Variants in SLC39A14 observed in about 807,000 individuals in gnomAD.
SLC39A14 encodes solute carrier family 39 member 14, also known as metal cation symporter ZIP14.
SLC39A14 carries 19 observed loss-of-function variants against 45.5 expected under a neutral mutation model. The ratio of observed to expected loss-of-function variants is 0.42; its 90% CI spans 0.29 to 0.61. The LOEUF is 0.61. SLC39A14 is among the 20% of genes least tolerant of loss of function. The probability of loss-of-function intolerance (pLI) is 0.22; values close to 1 mark genes in which losing one functional copy is unlikely to be tolerated. For synonymous variants in SLC39A14, 264 were observed against 251.3 expected, an observed-to-expected ratio of 1.05 and a Z score of -0.48; for missense variants, 447 against 616.5, an observed-to-expected ratio of 0.73 and a Z score of 2.91.
chr8:22,400,881 G>A (rs905464312), intron 1 of SLC39A14, among the ~76,000 whole-genome samples: 1 of 152,154 alleles, frequency 6.6e-6, no homozygotes, highest in Non-Finnish European at 1.5e-5. Context: ...AGTCAGAGTT[G>A]GGAACCCTGC....
intron 1 of SLC39A14, among the ~76,000 whole-genome samples, chr8:22,376,335 T>C (rs1039471034): frequency 7.8e-5 from 5 of 63,904 alleles, no homozygotes; most frequent in Admixed American, 1.8e-4. Flanking sequence ...CCACACCTAA[T>C]TTTTTTTTTT....
intron 1 of SLC39A14, among the ~76,000 whole-genome samples, chr8:22,371,813 C>T (rs1188038519): frequency 6.7e-6 from 1 of 150,164 alleles, no homozygotes; most frequent in Non-Finnish European, 1.5e-5. Context: ...GGCACGATCT[C>T]GGCTCACTGC....
At chr8:22,380,077 G>C (rs1833425727) in intron 1 of SLC39A14, among the ~76,000 whole-genome samples, 3 of 152,094 alleles carry the variant, frequency 2.0e-5, no homozygotes, top group Admixed American at 2.0e-4. Context: ...ATGGTTTAAA[G>C]TCTATAGGGA....
rs376445087 is a variant in SLC39A14 at position 22,368,162 on chromosome 8, A to G, written c.-16+754A>G. ...CTAAACAGTTAAAGGGCTCGGCTGT[A>G]CAGGAGGACTCCGGACACAATTGGG... On this transcript the variant is annotated intron_variant, in intron 1 of 8. Transcript: ENST00000381237. Among the ~76,000 whole-genome samples the G allele has an allele frequency of 1.2e-3, 189 of 152,300 alleles. 1 individual carries two copies. The Middle Eastern group carries it at 0.02, about 16-fold the overall frequency.
chr8:22,382,740 A>G (rs1315436423), intron 1 of SLC39A14, among the ~76,000 whole-genome samples: 1 of 152,030 alleles, frequency 6.6e-6, no homozygotes. Flanking sequence ...TTTGAGACAG[A>G]GTCTTACTCT....
chr8:22,416,905 G>C (rs576647284), intron 7 of SLC39A14, among the ~76,000 whole-genome samples: 2 of 152,290 alleles, frequency 1.3e-5, no homozygotes, highest in South Asian at 4.2e-4. Flanking sequence ...AAAACAAAGG[G>C]TGAGAGGGAC....
chr8:22,431,335 CTTTTG>C (rs985199628), intron 8 of SLC39A14, among the ~76,000 whole-genome samples: 1 of 152,188 alleles, frequency 6.6e-6, no homozygotes, highest in African/African-American at 2.4e-5. Flanking sequence ...TATAATATAC[CTTTTG>C]TTTTGTGTAG....
At chr8:22,376,818 C>A (rs1017444904) in intron 1 of SLC39A14, among the ~76,000 whole-genome samples, 9 of 151,878 alleles carry the variant, frequency 5.9e-5, no homozygotes, top group Non-Finnish European at 1.3e-4. Flanking sequence ...GTGGAGGCTG[C>A]AGTGAGCTGA....
downstream of SLC39A14, among the ~76,000 whole-genome samples, chr8:22,424,320 G>A (rs373256947): frequency 6.6e-6 from 1 of 152,116 alleles, no homozygotes; most frequent in East Asian, 1.9e-4. Flanking sequence ...TAGTTGTAGG[G>A]TCAGGGATCT....
intron 1 of SLC39A14, chr8:22,398,633 C>A (rs1834657222): frequency 2.5e-6 from 2 of 796,430 alleles, no homozygotes; most frequent in Non-Finnish European, 3.0e-6. Flanking sequence ...CATATCTATG[C>A]CCAACCTCTA....
chr8:22,401,612 A>G (rs1398535387), intron 1 of SLC39A14, among the ~76,000 whole-genome samples: 1 of 122,594 alleles, frequency 8.2e-6, no homozygotes, highest in Non-Finnish European at 1.6e-5. Flanking sequence ...CAGTGGCACT[A>G]TCTCGGCTCA....
chr8:22,416,033 C>T, intron 6 of SLC39A14, 40 bp from the exon 7 acceptor site: 1 of 1,611,328 alleles, frequency 6.2e-7, no homozygotes, highest in Non-Finnish European at 8.5e-7. Flanking sequence ...CATGGTCCAG[C>T]CTTTGACGCT....
chr8:22,429,175 G>A (rs1386316386), intron 8 of SLC39A14, among the ~76,000 whole-genome samples: 13 of 152,154 alleles, frequency 8.5e-5, no homozygotes, highest in Non-Finnish European at 1.5e-5. Flanking sequence ...GGGAGGCTGA[G>A]GCAGGAGAAT....
intron 4 of SLC39A14, 67 bp downstream of exon 4, chr8:22,412,273 A>G: frequency 6.7e-7 from 1 of 1,490,484 alleles, no homozygotes; most frequent in Non-Finnish European, 9.1e-7. Flanking sequence ...CTCCGTTTGG[A>G]TAGAAGGCAT....
intron 8 of SLC39A14, among the ~76,000 whole-genome samples, chr8:22,418,329 A>G (rs1192949113): frequency 6.6e-6 from 1 of 152,100 alleles, no homozygotes; most frequent in Non-Finnish European, 1.5e-5. Context: ...GGAAAAGTTT[A>G]TGTTTTTGTT....
intron 2 of SLC39A14, among the ~76,000 whole-genome samples, chr8:22,405,499 C>T (rs1044223912): frequency 1.3e-5 from 2 of 152,114 alleles, no homozygotes; most frequent in African/African-American, 2.4e-5. Flanking sequence ...GGCAACAGAG[C>T]GAGAATCTGT....
intron 2 of SLC39A14, among the ~76,000 whole-genome samples, chr8:22,406,153 A>G (rs7819400): frequency 0.29 from 43,989 of 152,100 alleles, 8,027 homozygotes; most frequent in African/African-American, 0.53. Context: ...GTGTGGAGAT[A>G]AAATGGACGG....
At chr8:22,371,861 C>T (rs918981996) in intron 1 of SLC39A14, among the ~76,000 whole-genome samples, 9 of 151,624 alleles carry the variant, frequency 5.9e-5, no homozygotes, top group African/African-American at 4.8e-5. Flanking sequence ...TCTCCTGCCT[C>T]AGCTTCCCGA....
chr8:22,397,517 G>A (rs957075962), intron 1 of SLC39A14, among the ~76,000 whole-genome samples: 4 of 152,124 alleles, frequency 2.6e-5, no homozygotes, highest in Admixed American at 2.0e-4. Context: ...GGCGGAGCTT[G>A]CAGTGAGCCG....
Sources: allele counts gnomAD v4.1 joint callset (sites outside exome capture counted in the v4.1 genomes callset), GRCh38; gene constraint gnomAD v4.1.1; transcripts MANE v1.5; gene names NCBI Gene and HGNC (gene_info 2026-07-23, HGNC 2026-07-21).